The following RICTOR variants were observed in gnomAD, a reference collection of about 807,000 sequenced individuals.
RICTOR encodes the protein RPTOR independent companion of MTOR complex 2.
In RICTOR, 49 loss-of-function variants were observed where a neutral mutation model predicts 214.9. The observed-to-expected ratio is 0.23, with a 90% confidence interval of 0.18 to 0.29. RICTOR has a LOEUF of 0.29. Among genes scored for constraint, RICTOR ranks in the 10% least tolerant of loss-of-function variants. RICTOR has a pLI of 1.00. For missense variants in RICTOR, 1,625 were observed against 2,047.0 expected, an observed-to-expected ratio of 0.79 and a Z score of 3.98; for synonymous variants, 717 against 711.3, an observed-to-expected ratio of 1.01 and a Z score of -0.13.
At chr5:39,050,349 T>C (rs2150185422) in intron 2 of RICTOR, among the ~76,000 whole-genome samples, 1 of 152,176 alleles carries the variant, frequency 6.6e-6, no homozygotes, top group African/African-American at 2.4e-5. Flanking sequence ...TTTTTTCTTC[T>C]TTTTTGAGAC....
At chr5:38,983,016 T>C (rs1043338528) in intron 7 of RICTOR, among the ~76,000 whole-genome samples, 1 of 152,126 alleles carries the variant, frequency 6.6e-6, no homozygotes, top group African/African-American at 2.4e-5. Flanking sequence ...CAGATCTTAA[T>C]GGTATAGTTC....
chr5:39,059,159 A>C (rs1758379661), intron 2 of RICTOR, among the ~76,000 whole-genome samples: 4 of 152,302 alleles, frequency 2.6e-5, no homozygotes, highest in African/African-American at 7.2e-5. Flanking sequence ...TATATACAAC[A>C]TGGTGATAAG....
At chr5:38,982,516 T>C (rs144663223) in intron 7 of RICTOR, among the ~76,000 whole-genome samples, 2 of 152,338 alleles carry the variant, frequency 1.3e-5, no homozygotes, top group Non-Finnish European at 1.5e-5. Context: ...TGTGTACATA[T>C]GTGTTTTAAA....
intron 2 of RICTOR, among the ~76,000 whole-genome samples, chr5:39,041,414 A>G (rs953077522): frequency 6.6e-6 from 1 of 152,176 alleles, no homozygotes; most frequent in Non-Finnish European, 1.5e-5. Context: ...CATATCTTAT[A>G]TCTTTGGGCA....
rs912875701 is a variant in RICTOR at position 39,060,449 on chromosome 5, A to T, written c.97+13662T>A. On this transcript the variant is annotated intron_variant, in intron 2 of 37. Transcript: ENST00000357387. ...TCCTAAATATAGGGATAATAACTGC[A>T]TTGTAAAGTGACAGCTGAAAGAAAC... 2.0e-5 allele frequency among the ~76,000 whole-genome samples: 3 copies of T among 152,194 alleles called. No homozygotes were observed. In the East Asian group the frequency reaches 5.8e-4, roughly 29 times the overall value.
intron 36 of RICTOR, chr5:38,943,239 T>C (rs1747799194): frequency 3.0e-6 from 1 of 333,344 alleles, no homozygotes; most frequent in Admixed American, 4.3e-5. Context: ...GCATGAGAAA[T>C]TGCAAAATAT....
Position 38,990,636 on chromosome 5 carries a change from T to A in RICTOR, c.583+313A>T, listed in dbSNP as rs1231770637. Among the ~76,000 whole-genome samples, 119 of 54,462 alleles carry A rather than the reference T, an allele frequency of 2.2e-3. 6 individuals are homozygous for A. The highest frequency in any genetic ancestry group is 6.1e-3 in the East Asian group (14 of 2,290). The allele number at this position is 54,462 out of a possible 152,430, so 35.7% of individuals were successfully genotyped here. A position where few individuals can be genotyped will look rare whatever the true frequency, so the allele number is the denominator to read the frequency against. On this transcript the variant is annotated intron_variant, in intron 7 of 37. Transcript: ENST00000357387. ...ATATACGATATATGATATATATATC[T>A]GACATATATCAGATATATGATATAT... is the stretch of plus-strand genomic sequence containing the variant.
chr5:38,982,258 C>A (rs1490815379), intron 7 of RICTOR, among the ~76,000 whole-genome samples: 1 of 152,150 alleles, frequency 6.6e-6, no homozygotes, highest in African/African-American at 2.4e-5. Context: ...TTTTCATACC[C>A]TTTGTCCATA....
intron 2 of RICTOR, among the ~76,000 whole-genome samples, chr5:39,073,470 T>C (rs1759474143): frequency 1.3e-5 from 2 of 151,874 alleles, no homozygotes; most frequent in African/African-American, 2.4e-5. Context: ...TGCAGCAGGG[T>C]GAGGGGGCGG....
At chr5:38,993,788 C>T (rs1243797954) in intron 6 of RICTOR, among the ~76,000 whole-genome samples, 4 of 152,122 alleles carry the variant, frequency 2.6e-5, no homozygotes, top group Admixed American at 2.6e-4. Context: ...CTTTCTGAGA[C>T]TGACATGAGC....
chr5:38,947,267 G>T lies in RICTOR; in HGVS notation c.4311C>A (p.Phe1437Leu). 6.2e-7 allele frequency: 1 copy of T among 1,603,872 alleles called. No homozygotes were observed. ...ACAATAAAATGTATGATAATACCTG[G>T]AATATATCATTTATATCCACCGGGA... ...LALPVDINDI[F>L]QVKDIPYFQT... Residue 1437 changes from phenylalanine to leucine, a missense_variant, in exon 32 of 38, where the codon TTC becomes TTA. Phe to Leu is a conservative substitution (Grantham distance 22). Transcript: ENST00000357387.
chr5:39,052,967 T>C (rs771932651), intron 2 of RICTOR, among the ~76,000 whole-genome samples: 2 of 152,190 alleles, frequency 1.3e-5, no homozygotes, highest in Non-Finnish European at 2.9e-5. Context: ...GGGATAAATA[T>C]CAAATAAATA....
At chr5:39,074,231 A>G (rs2150230106) in intron 1 of RICTOR, 73 bp from the exon 2 acceptor site, 3 of 1,578,876 alleles carry the variant, frequency 1.9e-6, no homozygotes, top group South Asian at 2.3e-5. Flanking sequence ...GGCTCCGGCC[A>G]GCGCCCCGGC....
At chr5:38,966,285 C>T (rs1199619775) in intron 15 of RICTOR, among the ~76,000 whole-genome samples, 1 of 152,176 alleles carries the variant, frequency 6.6e-6, no homozygotes, top group Non-Finnish European at 1.5e-5. Context: ...AAGTAGTATC[C>T]ATAGTTTTGC....
At chr5:39,035,985 G>A (rs569564123) in intron 2 of RICTOR, among the ~76,000 whole-genome samples, 2 of 152,222 alleles carry the variant, frequency 1.3e-5, no homozygotes, top group South Asian at 2.1e-4. Flanking sequence ...GATACTCCTC[G>A]AGAAGAGCAA....
At chr5:38,982,512 C>T (rs1751793823) in intron 7 of RICTOR, among the ~76,000 whole-genome samples, 2 of 152,090 alleles carry the variant, frequency 1.3e-5, no homozygotes, top group Admixed American at 6.6e-5. Flanking sequence ...TGCATGTGTA[C>T]ATATGTGTTT....
chr5:38,992,985 G>T (rs910986975), intron 6 of RICTOR, among the ~76,000 whole-genome samples: 1 of 152,216 alleles, frequency 6.6e-6, no homozygotes. Flanking sequence ...GAAGATCGAT[G>T]TAAGGTGAGA....
At chr5:38,955,199 G>A (rs1364761749) in intron 26 of RICTOR, among the ~76,000 whole-genome samples, 2 of 151,982 alleles carry the variant, frequency 1.3e-5, no homozygotes, top group Non-Finnish European at 2.9e-5. Flanking sequence ...AGGCGTATAT[G>A]AAACAGATTA....
chr5:39,059,668 C>T (rs569986102), intron 2 of RICTOR, among the ~76,000 whole-genome samples: 2 of 151,970 alleles, frequency 1.3e-5, no homozygotes, highest in Non-Finnish European at 2.9e-5. Flanking sequence ...TTATTTATGC[C>T]TTATTTCCTC....
Sources: allele counts gnomAD v4.1 joint callset (sites outside exome capture counted in the v4.1 genomes callset), GRCh38; gene constraint gnomAD v4.1.1; transcripts MANE v1.5; gene names NCBI Gene and HGNC (gene_info 2026-07-23, HGNC 2026-07-21).